Variants in PROSER1 observed in about 807,000 individuals in gnomAD.
The protein encoded by PROSER1 is proline and serine rich 1.
Under a neutral mutation model 71.8 loss-of-function variants are expected in PROSER1, and 36 were observed. The ratio of observed to expected loss-of-function variants is 0.50; its 90% CI spans 0.38 to 0.66. PROSER1 has a LOEUF of 0.66. Among genes scored for constraint, PROSER1 ranks in the 30% least tolerant of loss-of-function variants. The pLI, the probability that PROSER1 is intolerant of heterozygous loss-of-function variation, is 0.00. For missense variants in PROSER1, 1,107 were observed against 1,135.0 expected (o/e 0.98, Z 0.35); for synonymous variants, 490 against 452.4 (o/e 1.08, Z -1.06).
intron 8 of PROSER1, 98 bp downstream of exon 8, chr13:39,022,954 G>T: frequency 1.0e-6 from 1 of 954,378 alleles, no homozygotes; most frequent in Non-Finnish European, 1.6e-6. Flanking sequence ...TTTCATAAGT[G>T]CTACAGATTT....
At chr13:39,034,032 A>G in intron 2 of PROSER1, 99 bp downstream of exon 2, 1 of 814,084 alleles carries the variant, frequency 1.2e-6, no homozygotes, top group Non-Finnish European at 1.9e-6. Flanking sequence ...TAAATACAGC[A>G]AAAAGGTAAA....
chr13:39,014,309 C>T lies in PROSER1; in HGVS notation c.943G>A (p.Val315Met). ...GMNLLNTVLP[V>M]FPGQVSSAVH... ...GCTGAGGAGACCTGCCCTGGGAACA[C>T]AGGAAGGACAGTATTCAGCAGGTTC... The change falls in exon 11 of 13, where the codon GTG becomes ATG. Residue 315 changes from valine to methionine, a missense_variant. Transcript: ENST00000352251. 2 of 1,613,996 alleles carry T rather than the reference C, an allele frequency of 1.2e-6. No homozygotes were observed. The highest frequency in any genetic ancestry group is 2.7e-5 in the African/African-American group (2 of 74,972).
At chr13:39,019,368 A>T (rs921122335) in intron 9 of PROSER1, among the ~76,000 whole-genome samples, 6 of 150,872 alleles carry the variant, frequency 4.0e-5, no homozygotes, top group East Asian at 1.9e-4. Context: ...AAAAAGAAAA[A>T]TTAGCCAGGC....
chr13:39,025,143 C>T (rs559052733), intron 6 of PROSER1, among the ~76,000 whole-genome samples: 54 of 152,068 alleles, frequency 3.6e-4, no homozygotes, highest in African/African-American at 1.3e-3. Context: ...ATAAGAGTAC[C>T]TATGTTACAG....
chr13:39,018,472 C>CCACA, intron 9 of PROSER1, among the ~76,000 whole-genome samples: 1 of 105,156 alleles, frequency 9.5e-6, no homozygotes, highest in East Asian at 2.7e-4. Flanking sequence ...TTTTAAAACC[C>CCACA]GACACACACA....
In PROSER1 at chr13:39,012,920, G is replaced by A. The variant is rs776637595; in HGVS notation, c.2332C>T (p.Gln778Ter). 1 of 1,614,142 alleles carries A rather than the reference G, an allele frequency of 6.2e-7. No homozygotes were observed. The highest frequency in any genetic ancestry group is 2.2e-5 in the East Asian group (1 of 44,878). ...GGATTTGAAGATGACAGAGGTCCTT[G>A]AGTAACAGAGAAAAGTGAGGGAACA... ...TAVPSLFSVT[Q>*]GPLSSSNPSY... Residue 778 changes from glutamine (Q) to a stop codon, truncating the protein, a stop_gained, in exon 11 of 13, where the codon CAA becomes TAA. Coordinates refer to ENST00000352251, the MANE Select transcript of PROSER1 (RefSeq NM_025138.5). LOFTEE classifies it high-confidence loss of function.
intron 3 of PROSER1, 127 bp from the exon 4 acceptor site, chr13:39,029,502 G>A (rs370371323): frequency 2.1e-6 from 1 of 484,830 alleles, no homozygotes; most frequent in East Asian, 3.5e-5. Flanking sequence ...CATTTTAGGT[G>A]AAAACCACTT....
intron 2 of PROSER1, among the ~76,000 whole-genome samples, chr13:39,032,468 G>T (rs542678205): frequency 2.0e-5 from 3 of 152,108 alleles, no homozygotes; most frequent in Admixed American, 6.5e-5. Flanking sequence ...TGCTCCAAAA[G>T]GGGAAAAAAG....
chr13:39,032,150 G>T (rs1870875345), intron 2 of PROSER1, among the ~76,000 whole-genome samples: 2 of 152,202 alleles, frequency 1.3e-5, no homozygotes, highest in Admixed American at 1.3e-4. Context: ...ATGTTTTAGT[G>T]TAGGTCCACT....
Position 39,018,491 on chromosome 13 carries a change from C to CAA in PROSER1, c.731-948_731-947insTT, listed in dbSNP as rs879741172. Among the ~76,000 whole-genome samples, 870 of 144,834 alleles carry CAA rather than the reference C, an allele frequency of 6.0e-3. 19 individuals are homozygous for CAA. The highest frequency in any genetic ancestry group is 0.033 in the Admixed American group (485 of 14,754). ...AAAACCCGACACACACACACACACA[C>CAA]ACACACACACACACACACACACACA... On this transcript the variant is annotated intron_variant, in intron 9 of 12. Coordinates refer to ENST00000352251, the MANE Select transcript of PROSER1 (RefSeq NM_025138.5).
At chr13:39,022,260 C>G in intron 9 of PROSER1, 66 bp downstream of exon 9, 3 of 1,057,334 alleles carry the variant, frequency 2.8e-6, no homozygotes, top group Non-Finnish European at 3.0e-6. Context: ...TGCCAAACAA[C>G]TGTCCGTTCC....
intron 5 of PROSER1, among the ~76,000 whole-genome samples, chr13:39,027,739 C>T (rs1870611564): frequency 6.6e-6 from 1 of 152,104 alleles, no homozygotes; most frequent in African/African-American, 2.4e-5. Context: ...GAAATAACTA[C>T]CTTAGATGAC....
chr13:39,036,938 G>A lies in PROSER1; in HGVS notation c.45+260C>T, dbSNP rs577321874. Among the ~76,000 whole-genome samples, 3 of 152,248 alleles carry A rather than the reference G, an allele frequency of 2.0e-5. No homozygotes were observed. In the South Asian group the frequency reaches 6.2e-4, roughly 32 times the overall value. ...TACAGAGCTATTACGGATTTGTAAA[G>A]CCGGCTTTGGAACCGAGGGCTTTAC... On this transcript the variant is annotated intron_variant, in intron 1 of 12. Transcript: ENST00000352251.
chr13:39,035,309 C>T (rs566798264), intron 1 of PROSER1, among the ~76,000 whole-genome samples: 2 of 152,274 alleles, frequency 1.3e-5, no homozygotes, highest in Admixed American at 6.5e-5. Flanking sequence ...TATCTCAATT[C>T]TTCCATCAAT....
intron 5 of PROSER1, among the ~76,000 whole-genome samples, chr13:39,028,006 G>A (rs1385261296): frequency 2.0e-5 from 3 of 152,066 alleles, no homozygotes; most frequent in Admixed American, 2.0e-4. Context: ...CAAGCTGAGT[G>A]GCCAACTGAC....
chr13:39,037,361 G>A lies in PROSER1; in HGVS notation c.-119C>T, dbSNP rs959482110. ...TAGCTGAGGAGGAAAAAGACTCCACGAGCAAGAGAGGATGCGAAGAGGTAG... is the reference window on the plus strand; with the variant it reads ...TAGCTGAGGAGGAAAAAGACTCCACAAGCAAGAGAGGATGCGAAGAGGTAG... On this transcript the variant is annotated 5_prime_UTR_variant, in exon 1 of 13. Transcript: ENST00000352251. The A allele has an allele frequency of 2.6e-6, 2 of 757,712 alleles. No homozygotes were observed. The highest frequency in any genetic ancestry group is 4.6e-6 in the Non-Finnish European group (2 of 432,166). The allele number at this position is 757,712 out of a possible 1,614,324, so 46.9% of individuals were successfully genotyped here.
At chr13:39,032,608 T>G (rs1036606513) in intron 2 of PROSER1, among the ~76,000 whole-genome samples, 3 of 152,170 alleles carry the variant, frequency 2.0e-5, no homozygotes, top group Non-Finnish European at 4.4e-5. Flanking sequence ...AAGAGATATA[T>G]ATATATAGCA....
intron 9 of PROSER1, 102 bp from the exon 10 acceptor site, chr13:39,017,646 T>C: frequency 1.1e-5 from 7 of 665,784 alleles, no homozygotes; most frequent in Non-Finnish European, 1.5e-5. Flanking sequence ...GATATAAATA[T>C]TTATGGACTA....
intron 10 of PROSER1, among the ~76,000 whole-genome samples, chr13:39,015,133 A>T (rs1354158474): frequency 8.5e-5 from 13 of 152,184 alleles, no homozygotes; most frequent in Non-Finnish European, 1.8e-4. Flanking sequence ...AGCACAGAAC[A>T]CAGCACCTGC....
Sources: allele counts gnomAD v4.1 joint callset (sites outside exome capture counted in the v4.1 genomes callset), GRCh38; gene constraint gnomAD v4.1.1; transcripts MANE v1.5; gene names NCBI Gene and HGNC (gene_info 2026-07-23, HGNC 2026-07-21).